Variants in UQCC1 observed in about 807,000 individuals in gnomAD.
The protein encoded by UQCC1 is bFGF-repressed Zic-binding protein.
UQCC1 carries 38 observed loss-of-function variants against 48.0 expected under a neutral mutation model. The ratio of observed to expected loss-of-function variants is 0.79; its 90% CI spans 0.61 to 1.04. The LOEUF is 1.04. Ranked by LOEUF, UQCC1 falls within the 50% of genes least tolerant of loss-of-function variation. The pLI is 0.00. For missense variants in UQCC1, 368 were observed against 381.8 expected (o/e 0.96, Z 0.30); for synonymous variants, 111 against 129.2 (o/e 0.86, Z 0.95).
chr20:35,371,406 C>A (rs1165230167), intron 5 of UQCC1, among the ~76,000 whole-genome samples: 1 of 148,546 alleles, frequency 6.7e-6, no homozygotes, highest in Non-Finnish European at 1.5e-5. Flanking sequence ...GGTGTGATCT[C>A]GACTCACTGC....
chr20:35,310,383 G>A (rs1328983102), intron 8 of UQCC1, among the ~76,000 whole-genome samples: 5 of 152,042 alleles, frequency 3.3e-5, no homozygotes, highest in Non-Finnish European at 7.4e-5. Flanking sequence ...GGTGGCTCAC[G>A]CCTGTAATCC....
chr20:35,352,536 C>A (rs939914566), intron 6 of UQCC1, among the ~76,000 whole-genome samples: 4 of 152,154 alleles, frequency 2.6e-5, no homozygotes, highest in African/African-American at 9.7e-5. Flanking sequence ...TAGTCATGTA[C>A]CACATAACAA....
chr20:35,392,164 A>G, intron 2 of UQCC1: 1 of 1,114,798 alleles, frequency 9.0e-7, no homozygotes, highest in Non-Finnish European at 1.2e-6. Context: ...CACACATCCC[A>G]TTATGCACAA....
intron 8 of UQCC1, among the ~76,000 whole-genome samples, chr20:35,311,370 G>A (rs968971520): frequency 1.3e-5 from 2 of 152,196 alleles, no homozygotes; most frequent in African/African-American, 2.4e-5. Flanking sequence ...GTAGAACAGC[G>A]CTGTCCAATA....
At chr20:35,403,594 A>G (rs571401242) in intron 1 of UQCC1, among the ~76,000 whole-genome samples, 10 of 152,214 alleles carry the variant, frequency 6.6e-5, no homozygotes, top group African/African-American at 9.6e-5. Context: ...TCATGCTGCT[A>G]TAAAGACACA....
At chr20:35,348,376 GTTTTGTT>G (rs1446061569) in intron 6 of UQCC1, among the ~76,000 whole-genome samples, 2 of 33,678 alleles carry the variant, frequency 5.9e-5, no homozygotes, top group Admixed American at 1.0e-3. Context: ...ATTCTTTTTT[GTTTTGTT>G]TTGTTTTGTT....
intron 1 of UQCC1, 55 bp downstream of exon 1, chr20:35,411,885 C>G (rs1182121124): frequency 9.3e-6 from 15 of 1,612,386 alleles, no homozygotes; most frequent in Non-Finnish European, 1.2e-5. Context: ...CCTGCCTTGT[C>G]GAACTCCAAC....
Position 35,332,069 on chromosome 20 carries a change from T to A in UQCC1, c.573+15095A>T, listed in dbSNP as rs141496908. 1.4e-4 allele frequency among the ~76,000 whole-genome samples: 22 copies of A among 152,302 alleles called. No individual in the cohort carries two copies. In the East Asian group the frequency reaches 3.9e-3, roughly 27 times the overall value. Reference sequence around the variant, plus strand: ...AGATTAGAACCTATGTCTGTCTGGCTCCAAAGACCACATGACAGGAAAAGA... The same window carrying A: ...AGATTAGAACCTATGTCTGTCTGGCACCAAAGACCACATGACAGGAAAAGA... On this transcript the variant is annotated intron_variant, in intron 7 of 9. Coordinates refer to ENST00000374385, the MANE Select transcript of UQCC1 (RefSeq NM_018244.5).
At chr20:35,324,510 T>G in intron 7 of UQCC1, among the ~76,000 whole-genome samples, 1 of 152,286 alleles carries the variant, frequency 6.6e-6, no homozygotes, top group South Asian at 2.1e-4. Context: ...GTATTTTTAG[T>G]AGAGACGGGG....
At chr20:35,346,996 A>ATT (rs1198142108) in intron 7 of UQCC1, 168 bp downstream of exon 7, 1 of 1,549,228 alleles carries the variant, frequency 6.5e-7, no homozygotes, top group African/African-American at 1.4e-5. Context: ...TCTGTGGAGT[A>ATT]TTAGTTTCCA....
intron 1 of UQCC1, among the ~76,000 whole-genome samples, chr20:35,404,487 C>T (rs1287620514): frequency 2.0e-5 from 3 of 151,946 alleles, no homozygotes; most frequent in Admixed American, 6.6e-5. Flanking sequence ...TTGCAGTGAG[C>T]TGAGATTGCG....
intron 7 of UQCC1, among the ~76,000 whole-genome samples, chr20:35,320,711 G>A (rs149911991): frequency 6.6e-6 from 1 of 152,332 alleles, no homozygotes; most frequent in African/African-American, 2.4e-5. Context: ...TGTAATTATG[G>A]TGGGGGAATG....
At chr20:35,310,693 A>ATTTT (rs369142415) in intron 8 of UQCC1, among the ~76,000 whole-genome samples, 1 of 100,688 alleles carries the variant, frequency 9.9e-6, no homozygotes, top group Non-Finnish European at 1.8e-5. Flanking sequence ...AAAGCTGCAG[A>ATTTT]TTTTTTTTTT....
At chr20:35,330,384 G>A (rs1160824774) in intron 7 of UQCC1, among the ~76,000 whole-genome samples, 1 of 152,220 alleles carries the variant, frequency 6.6e-6, no homozygotes, top group Non-Finnish European at 1.5e-5. Context: ...TGGCTGTCAA[G>A]CTTCTAGGAG....
intron 7 of UQCC1, among the ~76,000 whole-genome samples, chr20:35,329,680 T>A (rs2061235519): frequency 6.6e-6 from 1 of 152,148 alleles, no homozygotes; most frequent in African/African-American, 2.4e-5. Context: ...CCTCAGAGCC[T>A]CCAGAACTTT....
intron 7 of UQCC1, among the ~76,000 whole-genome samples, chr20:35,323,069 G>C (rs1236653974): frequency 6.6e-6 from 1 of 152,046 alleles, no homozygotes; most frequent in Non-Finnish European, 1.5e-5. Flanking sequence ...GCATGGTCTT[G>C]ACCTCCTGAC....
At position 35,396,284 on chromosome 20, in the gene UQCC1, C is replaced by CTTTT. The variant is rs34830667; in HGVS notation, c.25-2092_25-2089dup. Among the ~76,000 whole-genome samples the CTTTT allele has an allele frequency of 8.5e-5, 8 of 94,398 alleles. 1 individual carries two copies. The highest frequency in any genetic ancestry group is 1.0e-4 in the Non-Finnish European group (5 of 49,692). 61.9% of individuals were successfully genotyped at this position (94,398 alleles called of 152,430 possible). On this transcript the variant is annotated intron_variant, in intron 1 of 9. Transcript: ENST00000374385. ...ACAGATGTGAGCCACTGTGCCTGGC[C>CTTTT]TTTTTTTTTTTTTTTTTTTTTTTAA... is the stretch of plus-strand genomic sequence containing the variant.
chr20:35,314,894 G>A, intron 7 of UQCC1, 129 bp from the exon 8 acceptor site: 1 of 600,910 alleles, frequency 1.7e-6, no homozygotes, highest in Non-Finnish European at 2.7e-6. Flanking sequence ...AAGTCAAGCT[G>A]CCAGTCCATT....
chr20:35,379,496 T>C (rs2061841208), intron 4 of UQCC1, among the ~76,000 whole-genome samples: 1 of 152,188 alleles, frequency 6.6e-6, no homozygotes. Context: ...TATTGTGATG[T>C]AACAAATTTT....
Sources: gnomAD v4.1 joint callset for allele counts (sites outside exome capture counted in the v4.1 genomes callset) on GRCh38, gnomAD v4.1.1 for gene constraint, MANE v1.5 for transcripts, NCBI Gene and HGNC (gene_info 2026-07-23, HGNC 2026-07-21) for gene names.